NR3C1: variants seen among roughly 807,000 people sequenced by gnomAD.
The protein encoded by NR3C1 is nuclear receptor subfamily 3 group C member 1.
In NR3C1, 14 loss-of-function variants were observed where a neutral mutation model predicts 74.0. The ratio of observed to expected loss-of-function variants is 0.19; its 90% CI spans 0.12 to 0.30. The LOEUF (loss-of-function observed/expected upper bound fraction) is 0.30, where lower values mean the gene tolerates loss of function less well. Ranked by LOEUF, NR3C1 falls within the 10% of genes least tolerant of loss-of-function variation. NR3C1 has a pLI of 1.00. For missense variants in NR3C1, 695 were observed against 909.8 expected, an observed-to-expected ratio of 0.76 and a Z score of 3.04; for synonymous variants, 308 against 332.5, an observed-to-expected ratio of 0.93 and a Z score of 0.80.
chr5:143,332,450 A>C (rs1243731204), intron 2 of NR3C1, among the ~76,000 whole-genome samples: 4 of 152,068 alleles, frequency 2.6e-5, no homozygotes, highest in Non-Finnish European at 5.9e-5. Flanking sequence ...TAGCTAACGC[A>C]TGCCGGGCTT....
chr5:143,391,180 T>C (rs1264920590), intron 2 of NR3C1, among the ~76,000 whole-genome samples: 3 of 152,214 alleles, frequency 2.0e-5, no homozygotes, highest in African/African-American at 4.8e-5. Flanking sequence ...CCTACAAACT[T>C]AGGTTCTACA....
chr5:143,412,286 GC>G (rs1841320723), intron 1 of NR3C1, among the ~76,000 whole-genome samples: 1 of 150,574 alleles, frequency 6.6e-6, no homozygotes, highest in African/African-American at 2.4e-5. Flanking sequence ...GGGAGGGGAA[GC>G]CCCAAATACC....
chr5:143,424,042 T>C (rs540449383), intron 1 of NR3C1, among the ~76,000 whole-genome samples: 145 of 99,730 alleles, frequency 1.5e-3, no homozygotes, highest in African/African-American at 5.7e-3. Context: ...AAGGGGAACA[T>C]CACACTCTGG....
At chr5:143,350,778 CA>C (rs1413415491) in intron 2 of NR3C1, among the ~76,000 whole-genome samples, 3 of 152,222 alleles carry the variant, frequency 2.0e-5, no homozygotes, top group Admixed American at 2.0e-4. Flanking sequence ...AAGAACTTGC[CA>C]AGAGGCTAGA....
intron 2 of NR3C1, among the ~76,000 whole-genome samples, chr5:143,343,983 A>G (rs1301955374): frequency 6.6e-6 from 1 of 152,186 alleles, no homozygotes; most frequent in African/African-American, 2.4e-5. Context: ...AACAAAAGAT[A>G]TTTTACTTTT....
chr5:143,378,243 C>A (rs1835569739), intron 2 of NR3C1, among the ~76,000 whole-genome samples: 3 of 151,902 alleles, frequency 2.0e-5, no homozygotes, highest in South Asian at 4.1e-4. Context: ...AGAGTGAGAC[C>A]CTGTCTCTTA....
exon 1 of NR3C1, chr5:143,435,197 C>G (rs961434877): frequency 2.7e-5 from 27 of 985,280 alleles, no homozygotes; most frequent in Non-Finnish European, 3.0e-5. Flanking sequence ...CTTTTTTCTT[C>G]TCTTACCCTC....
chr5:143,419,519 A>G (rs1217097991), intron 1 of NR3C1, among the ~76,000 whole-genome samples: 1 of 152,138 alleles, frequency 6.6e-6, no homozygotes, highest in African/African-American at 2.4e-5. Context: ...AGTTCAAAAG[A>G]GAGAAATTTT....
chr5:143,314,401 G>T (rs994330652), intron 2 of NR3C1, among the ~76,000 whole-genome samples: 1 of 149,594 alleles, frequency 6.7e-6, no homozygotes, highest in Non-Finnish European at 1.5e-5. Context: ...GAATGGTGTG[G>T]TTCTGGTTCA....
chr5:143,399,681 T>C lies in NR3C1; in HGVS notation c.1159A>G (p.Thr387Ala). 1 of 1,614,038 alleles carries C rather than the reference T, an allele frequency of 6.2e-7. No homozygotes were observed. Among genetic ancestry groups the C allele is most frequent in the Non-Finnish European group, 8.5e-7 (1 of 1,179,902 alleles). ...SLGTLNFPGR[T>A]VFSNGYSSPS... ...CTTGAATAGCCATTAGAAAAAACTG[T>C]TCGACCAGGGAAGTTCAGAGTCCCC... is the stretch of plus-strand genomic sequence containing the variant. The change falls in exon 2 of 9, where the codon ACA becomes GCA. Residue 387 changes from threonine (T) to alanine (A), a missense_variant. This residue lies in a region of NR3C1 where 497 missense variants were observed against 489.5 expected (regional missense o/e 1.02). Coordinates refer to ENST00000394464, the MANE Select transcript of NR3C1 (RefSeq NM_000176.3).
intron 2 of NR3C1, among the ~76,000 whole-genome samples, chr5:143,317,336 C>T (rs1281373120): frequency 6.6e-6 from 1 of 152,072 alleles, no homozygotes; most frequent in Non-Finnish European, 1.5e-5. Context: ...ATATTTCACC[C>T]CCTTTGAATG....
chr5:143,384,618 C>T (rs1836840985), intron 2 of NR3C1, among the ~76,000 whole-genome samples: 1 of 152,220 alleles, frequency 6.6e-6, no homozygotes, highest in Non-Finnish European at 1.5e-5. Flanking sequence ...GTCATTAAAT[C>T]TTAAAAATCC....
chr5:143,328,167 T>C (rs1431740779), intron 2 of NR3C1, among the ~76,000 whole-genome samples: 1 of 152,218 alleles, frequency 6.6e-6, no homozygotes, highest in African/African-American at 2.4e-5. Flanking sequence ...ACGTGAAAGC[T>C]GCCAAAGCTT....
intron 2 of NR3C1, among the ~76,000 whole-genome samples, chr5:143,345,570 A>G (rs1397513246): frequency 3.3e-5 from 5 of 152,230 alleles, no homozygotes; most frequent in Non-Finnish European, 4.4e-5. Flanking sequence ...ATGCATGACA[A>G]TAAACAGTGC....
upstream of NR3C1, among the ~76,000 whole-genome samples, chr5:143,408,364 G>A (rs927495978): frequency 3.3e-5 from 5 of 152,046 alleles, no homozygotes; most frequent in Admixed American, 3.3e-4. Context: ...GTGCTTAGAC[G>A]AATTCCTGGG....
intron 2 of NR3C1, among the ~76,000 whole-genome samples, chr5:143,388,759 T>C (rs938983299): frequency 6.6e-6 from 1 of 152,224 alleles, no homozygotes; most frequent in African/African-American, 2.4e-5. Context: ...AAGAGGATTA[T>C]TTCTCCTAGA....
At chr5:143,347,088 T>C (rs1829426137) in intron 2 of NR3C1, among the ~76,000 whole-genome samples, 2 of 152,190 alleles carry the variant, frequency 1.3e-5, no homozygotes, top group Non-Finnish European at 2.9e-5. Context: ...TTCTAGAATG[T>C]TTATATAGTA....
chr5:143,404,412 C>A (rs1161726252), upstream of NR3C1: 2 of 985,520 alleles, frequency 2.0e-6, no homozygotes, highest in Admixed American at 6.1e-5. Context: ...GGCAGGTCCC[C>A]CACCACCGCA....
At chr5:143,367,097 GGTTT>G (rs1024560756) in intron 2 of NR3C1, among the ~76,000 whole-genome samples, 3 of 151,958 alleles carry the variant, frequency 2.0e-5, no homozygotes, top group Non-Finnish European at 2.9e-5. Context: ...AAGAACACAG[GGTTT>G]GTTTGACATA....
Sources: allele counts gnomAD v4.1 joint callset (sites outside exome capture counted in the v4.1 genomes callset), GRCh38; gene constraint gnomAD v4.1.1; regional missense constraint gnomAD v4.1.1; transcripts MANE v1.5; gene names NCBI Gene and HGNC (gene_info 2026-07-23, HGNC 2026-07-21).